Variants in CEP192 observed in about 807,000 individuals in gnomAD.
CEP192 encodes centrosomal protein 192, also known as centrosomal protein of 192 kDa.
A neutral mutation model predicts 271.8 loss-of-function variants in CEP192; 151 were observed. That is an observed-to-expected ratio of 0.56 (90% confidence interval 0.49 to 0.64). CEP192 has a LOEUF of 0.64. Among genes scored for constraint, CEP192 ranks in the 30% least tolerant of loss-of-function variants. The pLI is 0.00. For synonymous variants in CEP192, 995 were observed against 1,076.5 expected (o/e 0.92, Z 1.48); for missense variants, 2,910 against 3,020.5 (o/e 0.96, Z 0.86).
At chr18:13,070,958 T>C in intron 27 of CEP192, 81 bp from the exon 28 acceptor site, 1 of 1,186,546 alleles carries the variant, frequency 8.4e-7, no homozygotes, top group South Asian at 1.4e-5. Context: ...GTTCAGTCTT[T>C]TGGACAATGG....
intron 2 of CEP192, among the ~76,000 whole-genome samples, chr18:13,000,036 C>G (rs2033516680): frequency 7.4e-6 from 1 of 135,936 alleles, no homozygotes; most frequent in African/African-American, 2.7e-5. Flanking sequence ...GCCATCAGGA[C>G]TTGGGTTTTT....
At chr18:13,076,293 C>T (rs1464871046) in intron 30 of CEP192, among the ~76,000 whole-genome samples, 1 of 152,086 alleles carries the variant, frequency 6.6e-6, no homozygotes, top group Non-Finnish European at 1.5e-5. Flanking sequence ...AGTGGCATCT[C>T]GGCTCACTGC....
At chr18:13,053,541 A>C (rs1035610072) in intron 18 of CEP192, among the ~76,000 whole-genome samples, 35 of 152,200 alleles carry the variant, frequency 2.3e-4, no homozygotes, top group Non-Finnish European at 4.3e-4. Flanking sequence ...CACTCCAGGA[A>C]GTTTAGAACG....
At chr18:13,087,455 G>A (rs554403554) in intron 31 of CEP192, 76 bp from the exon 32 acceptor site, 46 of 966,218 alleles carry the variant, frequency 4.8e-5, no homozygotes, top group Admixed American at 4.4e-4. Flanking sequence ...TTTTAGGCTC[G>A]TAAGATTGTT....
At chr18:13,121,340 C>A (rs376830775) in intron 44 of CEP192, among the ~76,000 whole-genome samples, 4 of 152,116 alleles carry the variant, frequency 2.6e-5, no homozygotes, top group Non-Finnish European at 4.4e-5. Context: ...TGATTACTTA[C>A]AAATATGCAC....
chr18:13,004,829 G>A (rs984152869), intron 3 of CEP192, among the ~76,000 whole-genome samples: 4 of 152,154 alleles, frequency 2.6e-5, no homozygotes, highest in Non-Finnish European at 5.9e-5. Flanking sequence ...AGGTGAAGAG[G>A]AGGCAGAGAA....
rs774398680 is a variant in CEP192 at position 13,092,532 on chromosome 18, A to G, written c.6254+5A>G. ...AGCTAGCTTGGAATCTACAAGGTAA[A>G]ATAAATGAACAGAAATCTTTCACCA... is the stretch of plus-strand genomic sequence containing the variant. On this transcript the variant is annotated splice_donor_5th_base_variant and intron_variant, in intron 34 of 44. Transcript: ENST00000506447. 3.1e-6 allele frequency: 5 copies of G among 1,588,584 alleles called. No individual in the cohort carries two copies. The African/African-American group carries it at 5.5e-5, about 17-fold the overall frequency.
At chr18:13,018,646 T>G (rs1014448910) in intron 8 of CEP192, 31 bp downstream of exon 8, 44 of 1,408,324 alleles carry the variant, frequency 3.1e-5, no homozygotes, top group Non-Finnish European at 4.1e-5. Context: ...CTTTTGTTCT[T>G]AAGTTCTAGT....
rs1260269930 is a variant in CEP192, at chr18:13,055,864, G to C, written c.3274G>C (p.Glu1092Gln). The C allele has an allele frequency of 1.9e-6, 3 of 1,613,586 alleles. No individual in the cohort carries two copies. The Admixed American group carries it at 5.0e-5, about 27-fold the overall frequency. Residue 1092 changes from glutamate to glutamine, a missense_variant, in exon 19 of 45, where the codon GAA (glutamate) becomes CAA (glutamine). Glu to Gln is a conservative substitution (Grantham distance 29, BLOSUM62 2). Transcript: ENST00000506447. The part of the protein sequence containing the change: ...LEERAMEKLR[E>Q]KVPFQNRGKG... Reference sequence around the variant, plus strand: ...GGAACGGGCTATGGAAAAATTGAGAGAAAAAGTTCCATTTCAGAATAGAGG... The same window carrying C: ...GGAACGGGCTATGGAAAAATTGAGACAAAAAGTTCCATTTCAGAATAGAGG...
chr18:13,066,930 G>A (rs371138181), intron 21 of CEP192, among the ~76,000 whole-genome samples: 31 of 151,024 alleles, frequency 2.1e-4, no homozygotes, highest in South Asian at 6.3e-4. Flanking sequence ...CTTATTTTGT[G>A]TTTGGCTAGA....
At chr18:13,085,797 C>A (rs1323110883) in intron 30 of CEP192, among the ~76,000 whole-genome samples, 1 of 152,136 alleles carries the variant, frequency 6.6e-6, no homozygotes, top group Non-Finnish European at 1.5e-5. Flanking sequence ...GTTACTGTAA[C>A]CTTGTAGTAT....
At chr18:13,109,989 T>A (rs1014628634) in intron 40 of CEP192, among the ~76,000 whole-genome samples, 5 of 152,204 alleles carry the variant, frequency 3.3e-5, no homozygotes, top group African/African-American at 1.2e-4. Flanking sequence ...ACCCCTCGAA[T>A]ATGTTTTCCA....
intron 30 of CEP192, among the ~76,000 whole-genome samples, chr18:13,077,841 A>G (rs575742298): frequency 6.6e-6 from 1 of 152,364 alleles, no homozygotes; most frequent in South Asian, 2.1e-4. Flanking sequence ...TACAGTAAAC[A>G]GTCACATACA....
At chr18:13,101,840 T>C (rs1289503761) in intron 38 of CEP192, among the ~76,000 whole-genome samples, 1 of 152,102 alleles carries the variant, frequency 6.6e-6, no homozygotes, top group Non-Finnish European at 1.5e-5. Context: ...TGTTTTGTGC[T>C]CTCTCCCAGC....
Position 13,056,185 on chromosome 18 carries a change from A to G in CEP192, c.3595A>G (p.Ile1199Val), listed in dbSNP as rs754501476. 11 of 1,613,958 alleles carry G rather than the reference A, an allele frequency of 6.8e-6. No individual in the cohort carries two copies. The Admixed American group carries it at 1.3e-4, about 20-fold the overall frequency. ...GGAGCCTATAGATGAAGATCAAAGA[A>G]TAAGTCCTAAAGATAAGTCAACTGC... ...CQEPIDEDQRISPKDKSTAGR... is the reference protein window; with the variant it reads ...CQEPIDEDQRVSPKDKSTAGR... The change falls in exon 19 of 45, where the codon ATA becomes GTA. Residue 1199 changes from isoleucine (I) to valine (V), a missense_variant. Ile to Val is a conservative substitution (Grantham distance 29). Transcript: ENST00000506447.
chr18:13,102,786 C>T (rs1253348901), intron 38 of CEP192, among the ~76,000 whole-genome samples: 3 of 152,184 alleles, frequency 2.0e-5, no homozygotes, highest in Admixed American at 6.5e-5. Flanking sequence ...CTGTGCCTTT[C>T]CTTCTCTCTG....
intron 15 of CEP192, among the ~76,000 whole-genome samples, chr18:13,043,280 T>A (rs1271582159): frequency 1.3e-5 from 2 of 152,230 alleles, no homozygotes; most frequent in Non-Finnish European, 2.9e-5. Flanking sequence ...ATAGGAGCCT[T>A]TTGTCAGTTA....
intron 40 of CEP192, 33 bp from the exon 41 acceptor site, chr18:13,113,553 T>G (rs1001661513): frequency 6.2e-7 from 1 of 1,606,134 alleles, no homozygotes; most frequent in African/African-American, 1.3e-5. Context: ...TAATGATCAG[T>G]GTCTAAATTT....
intron 2 of CEP192, 88 bp downstream of exon 2, chr18:12,999,676 G>A (rs560261006): frequency 2.0e-6 from 2 of 1,016,938 alleles, no homozygotes; most frequent in East Asian, 5.9e-5. Context: ...TCAAGCTTGA[G>A]CTTTTTGTTT....
Sources: allele counts gnomAD v4.1 joint callset (sites outside exome capture counted in the v4.1 genomes callset), GRCh38; gene constraint gnomAD v4.1.1; transcripts MANE v1.5; gene names NCBI Gene and HGNC (gene_info 2026-07-23, HGNC 2026-07-21).